Variants in CDH19 observed in about 807,000 individuals in gnomAD.
The protein encoded by CDH19 is cadherin 19.
In CDH19, 67 loss-of-function variants were observed where a neutral mutation model predicts 64.2. The observed-to-expected ratio is 1.04, with a 90% confidence interval of 0.86 to 1.28. The LOEUF is 1.28. CDH19 is among the 50% of genes most tolerant of loss of function. The probability of loss-of-function intolerance (pLI) is 0.00; values close to 1 mark genes in which losing one functional copy is unlikely to be tolerated. For missense variants in CDH19, 1,030 were observed against 929.0 expected (o/e 1.11, Z -1.41); for synonymous variants, 346 against 319.3 (o/e 1.08, Z -0.89).
intron 9 of CDH19, among the ~76,000 whole-genome samples, chr18:66,529,458 A>T (rs1461331187): frequency 6.6e-6 from 1 of 151,244 alleles, no homozygotes; most frequent in Non-Finnish European, 1.5e-5. Context: ...TATCGTTAGC[A>T]AATTTTTAAA....
At chr18:66,516,148 T>C (rs537320401) in intron 9 of CDH19, among the ~76,000 whole-genome samples, 1 of 152,060 alleles carries the variant, frequency 6.6e-6, no homozygotes, top group African/African-American at 2.4e-5. Context: ...TTAAAGAGTT[T>C]TGACTTTATA....
At chr18:66,508,889 G>A in intron 11 of CDH19, 106 bp downstream of exon 11, 2 of 1,164,316 alleles carry the variant, frequency 1.7e-6, no homozygotes, top group Non-Finnish European at 2.4e-6. Flanking sequence ...AATTAACTAT[G>A]TATTTATCAT....
chr18:66,538,092 C>T (rs1265517800), intron 7 of CDH19, among the ~76,000 whole-genome samples: 5 of 152,026 alleles, frequency 3.3e-5, no homozygotes, highest in Admixed American at 2.6e-4. Flanking sequence ...TAGAGTAACA[C>T]TGCAATCCCT....
At chr18:66,559,328 A>G (rs1028990531) in intron 3 of CDH19, among the ~76,000 whole-genome samples, 1 of 152,010 alleles carries the variant, frequency 6.6e-6, no homozygotes. Context: ...CTGATAATGA[A>G]TGCTTTTAAG....
intron 9 of CDH19, among the ~76,000 whole-genome samples, chr18:66,521,896 G>C (rs1323922560): frequency 1.4e-5 from 2 of 146,458 alleles, no homozygotes; most frequent in South Asian, 4.5e-4. Flanking sequence ...AAAGTTACAG[G>C]GTTTATGTAG....
chr18:66,574,678 C>A (rs1988213589), intron 1 of CDH19, among the ~76,000 whole-genome samples: 1 of 151,528 alleles, frequency 6.6e-6, no homozygotes, highest in Admixed American at 6.6e-5. Context: ...CTCATACATC[C>A]AAAATGTTTA....
chr18:66,600,007 GT>G (rs1172154960), intron 1 of CDH19, among the ~76,000 whole-genome samples: 5 of 151,904 alleles, frequency 3.3e-5, no homozygotes, highest in African/African-American at 1.2e-4. Context: ...GTTAATTCAT[GT>G]TACAAGCTGG....
At chr18:66,573,144 G>A (rs985181612) in intron 1 of CDH19, among the ~76,000 whole-genome samples, 2 of 151,578 alleles carry the variant, frequency 1.3e-5, no homozygotes, top group African/African-American at 4.8e-5. Context: ...ATCCTTATAT[G>A]TAACTTAATA....
At chr18:66,557,901 T>G (rs772209135) in intron 3 of CDH19, among the ~76,000 whole-genome samples, 1 of 151,826 alleles carries the variant, frequency 6.6e-6, no homozygotes, top group African/African-American at 2.4e-5. Context: ...CACCTTCTCA[T>G]GAAGGGGTTC....
chr18:66,550,156 T>C (rs1987287956), intron 5 of CDH19, among the ~76,000 whole-genome samples: 1 of 152,184 alleles, frequency 6.6e-6, no homozygotes, highest in Admixed American at 6.5e-5. Context: ...TTATGCTTTC[T>C]GGAAGTGCTT....
intron 9 of CDH19, among the ~76,000 whole-genome samples, chr18:66,515,756 C>T (rs1025325167): frequency 6.6e-6 from 1 of 151,738 alleles, no homozygotes; most frequent in Non-Finnish European, 1.5e-5. Context: ...TCCAAATATA[C>T]TTTTAAAATT....
intron 9 of CDH19, among the ~76,000 whole-genome samples, chr18:66,522,618 T>A (rs1986044405): frequency 6.6e-6 from 1 of 151,814 alleles, no homozygotes; most frequent in South Asian, 2.1e-4. Context: ...ACAATTTGAC[T>A]TTTTATCCTT....
chr18:66,554,592 C>A, intron 3 of CDH19, 68 bp from the exon 4 acceptor site: 1 of 1,351,166 alleles, frequency 7.4e-7, no homozygotes. Context: ...TTCTGTGAAG[C>A]GGTCTTTCTT....
At chr18:66,526,276 TAA>T (rs940282358) in intron 9 of CDH19, among the ~76,000 whole-genome samples, 46 of 152,266 alleles carry the variant, frequency 3.0e-4, no homozygotes, top group Middle Eastern at 3.4e-3. Flanking sequence ...TGTACATTTA[TAA>T]AAAGTATTTT....
intron 8 of CDH19, among the ~76,000 whole-genome samples, chr18:66,533,179 C>A (rs1986522518): frequency 6.6e-6 from 1 of 150,664 alleles, no homozygotes; most frequent in Non-Finnish European, 1.5e-5. Flanking sequence ...TTGTAATTTT[C>A]AATTAACTAA....
chr18:66,568,101 T>C (rs1317559017), intron 3 of CDH19, among the ~76,000 whole-genome samples: 1 of 151,856 alleles, frequency 6.6e-6, no homozygotes, highest in East Asian at 1.9e-4. Context: ...ATATATTTTG[T>C]TTTGAAAAAG....
intron 3 of CDH19, among the ~76,000 whole-genome samples, chr18:66,561,206 A>G (rs1378609733): frequency 6.6e-6 from 1 of 152,120 alleles, no homozygotes; most frequent in Non-Finnish European, 1.5e-5. Flanking sequence ...TGTTTGAAAA[A>G]TTCACTCTGG....
At chr18:66,553,523 A>C (rs1425789652) in intron 4 of CDH19, among the ~76,000 whole-genome samples, 1 of 134,562 alleles carries the variant, frequency 7.4e-6, no homozygotes, top group Non-Finnish European at 1.5e-5. Flanking sequence ...TGAATAAATA[A>C]GAAATGTTTA....
intron 5 of CDH19, among the ~76,000 whole-genome samples, chr18:66,550,073 T>C (rs575825383): frequency 6.6e-6 from 1 of 152,316 alleles, no homozygotes; most frequent in South Asian, 2.1e-4. Context: ...GAAATCATGC[T>C]ATGGTATATA....
Sources: gnomAD v4.1 joint callset for allele counts (sites outside exome capture counted in the v4.1 genomes callset) on GRCh38, gnomAD v4.1.1 for gene constraint, MANE v1.5 for transcripts, NCBI Gene and HGNC (gene_info 2026-07-23, HGNC 2026-07-21) for gene names.